Variants in NKAIN2 observed in about 807,000 individuals in gnomAD.
NKAIN2 encodes sodium/potassium-transporting ATPase subunit beta-1-interacting protein 2.
Under a neutral mutation model 32.6 loss-of-function variants are expected in NKAIN2, and 14 were observed. That is an observed-to-expected ratio of 0.43 (90% CI 0.28 to 0.67). The LOEUF (loss-of-function observed/expected upper bound fraction) is 0.67. Ranked by LOEUF, NKAIN2 falls within the 30% of genes least tolerant of loss-of-function variation. NKAIN2 has a pLI of 0.17. For synonymous variants in NKAIN2, 80 were observed against 87.2 expected (o/e 0.92, Z 0.46); for missense variants, 198 against 258.3 (o/e 0.77, Z 1.60).
intron 1 of NKAIN2, among the ~76,000 whole-genome samples, chr6:124,279,878 A>G (rs2114911227): frequency 6.6e-6 from 1 of 152,326 alleles, no homozygotes; most frequent in Non-Finnish European, 1.5e-5. Context: ...GATAAAGATT[A>G]GTCACTATTG....
At chr6:124,050,063 G>T (rs1311938975) in intron 1 of NKAIN2, among the ~76,000 whole-genome samples, 3 of 151,954 alleles carry the variant, frequency 2.0e-5, no homozygotes, top group Non-Finnish European at 4.4e-5. Flanking sequence ...TATATATGGG[G>T]TTTGTATTAT....
At chr6:124,222,363 A>C (rs1182880031) in intron 1 of NKAIN2, among the ~76,000 whole-genome samples, 2 of 152,234 alleles carry the variant, frequency 1.3e-5, no homozygotes, top group Admixed American at 1.3e-4. Flanking sequence ...GAAGTAAATA[A>C]ATTTACATAA....
At chr6:124,593,706 C>T (rs1781990271) in intron 3 of NKAIN2, among the ~76,000 whole-genome samples, 1 of 152,144 alleles carries the variant, frequency 6.6e-6, no homozygotes, top group African/African-American at 2.4e-5. Context: ...AATTTCCGAT[C>T]ACTGTAGCTG....
intron 4 of NKAIN2, among the ~76,000 whole-genome samples, chr6:124,662,303 T>TTATA (rs3051841): frequency 6.0e-4 from 90 of 150,878 alleles, no homozygotes; most frequent in Admixed American, 1.1e-3. Flanking sequence ...AAAGAATAAT[T>TTATA]TATATATATA....
At chr6:124,279,616 T>C (rs1232683591) in intron 1 of NKAIN2, among the ~76,000 whole-genome samples, 1 of 151,332 alleles carries the variant, frequency 6.6e-6, no homozygotes. Context: ...GAAAAAGAAA[T>C]TGAACTGTAG....
intron 1 of NKAIN2, among the ~76,000 whole-genome samples, chr6:123,856,604 T>G (rs1407663685): frequency 6.6e-6 from 1 of 152,234 alleles, no homozygotes; most frequent in Non-Finnish European, 1.5e-5. Flanking sequence ...GTTTACAGAT[T>G]ACAACAAACT....
chr6:124,551,139 C>A (rs1469352902), intron 3 of NKAIN2, among the ~76,000 whole-genome samples: 4 of 151,964 alleles, frequency 2.6e-5, no homozygotes, highest in Non-Finnish European at 4.4e-5. Context: ...AGAAAGTGAG[C>A]AAGAGAAATA....
chr6:124,726,699 T>G (rs1776335074), intron 4 of NKAIN2, among the ~76,000 whole-genome samples: 1 of 144,692 alleles, frequency 6.9e-6, no homozygotes, highest in African/African-American at 2.6e-5. Context: ...GGAACAAAGC[T>G]GGATGGAGAA....
intron 1 of NKAIN2, among the ~76,000 whole-genome samples, chr6:123,828,067 G>A (rs1017877898): frequency 1.3e-5 from 2 of 151,984 alleles, no homozygotes; most frequent in Admixed American, 1.3e-4. Flanking sequence ...GTCATGCACT[G>A]CCTGTTAAAT....
chr6:124,302,948 C>A (rs566440321), intron 2 of NKAIN2, among the ~76,000 whole-genome samples: 10 of 152,152 alleles, frequency 6.6e-5, no homozygotes, highest in Non-Finnish European at 1.3e-4. Context: ...ACTTCCCAGG[C>A]TTCTGCACAG....
chr6:124,793,919 C>T (rs770914973), intron 5 of NKAIN2, among the ~76,000 whole-genome samples: 2 of 152,142 alleles, frequency 1.3e-5, no homozygotes, highest in Non-Finnish European at 1.5e-5. Flanking sequence ...GAGAATACCA[C>T]ATGCCCCACA....
chr6:124,479,710 T>A lies in NKAIN2; in HGVS notation c.273+124363T>A, dbSNP rs139282526. On this transcript the variant is annotated intron_variant, in intron 3 of 6. Coordinates refer to ENST00000368417, the MANE Select transcript of NKAIN2 (RefSeq NM_001040214.3). ...ATTATTTTGCCTTTTAATTTGTATTTGTTTGTTTAAAAGCCTATAGTCGCA... is the reference window on the plus strand; with the variant it reads ...ATTATTTTGCCTTTTAATTTGTATTAGTTTGTTTAAAAGCCTATAGTCGCA... 3.1e-3 allele frequency among the ~76,000 whole-genome samples: 472 copies of A among 152,322 alleles called. 1 individual carries two copies. The highest frequency in any genetic ancestry group is 9.8e-3 in the African/African-American group (407 of 41,582).
chr6:123,821,295 T>G (rs1773913081), intron 1 of NKAIN2, among the ~76,000 whole-genome samples: 1 of 152,242 alleles, frequency 6.6e-6, no homozygotes, highest in Non-Finnish European at 1.5e-5. Context: ...TGTCTCTCAC[T>G]ATTTTAGATC....
At chr6:124,798,871 G>C (rs1010182129) in intron 5 of NKAIN2, among the ~76,000 whole-genome samples, 2 of 152,094 alleles carry the variant, frequency 1.3e-5, no homozygotes, top group African/African-American at 2.4e-5. Context: ...ACACCATCAA[G>C]ATCCACCCCT....
intron 3 of NKAIN2, among the ~76,000 whole-genome samples, chr6:124,379,143 G>A (rs186374212): frequency 1.4e-4 from 7 of 51,656 alleles, no homozygotes; most frequent in Admixed American, 2.0e-4. Flanking sequence ...GAGGGGAGGG[G>A]AGGGAGGGAG....
intron 1 of NKAIN2, among the ~76,000 whole-genome samples, chr6:124,226,665 C>T (rs1466900189): frequency 6.6e-6 from 1 of 151,990 alleles, no homozygotes; most frequent in Non-Finnish European, 1.5e-5. Context: ...CCACATCTCT[C>T]TCTTTGACAA....
chr6:124,711,702 T>C (rs1775470528), intron 4 of NKAIN2, among the ~76,000 whole-genome samples: 1 of 151,838 alleles, frequency 6.6e-6, no homozygotes, highest in African/African-American at 2.4e-5. Context: ...GTATTGGTTA[T>C]TCTAGTTATA....
At chr6:124,803,907 A>G (rs1330896397) in intron 5 of NKAIN2, among the ~76,000 whole-genome samples, 2 of 152,182 alleles carry the variant, frequency 1.3e-5, no homozygotes, top group Admixed American at 6.5e-5. Flanking sequence ...TCCTACTCAT[A>G]GTGTATTTTT....
rs146738230 is a variant in NKAIN2, at chr6:124,061,593, C to T, written c.55-221412C>T. Among the ~76,000 whole-genome samples the T allele has an allele frequency of 5.9e-5, 9 of 152,102 alleles. No individual in the cohort carries two copies. The East Asian group carries it at 1.7e-3, about 30-fold the overall frequency. Reference sequence around the variant, plus strand: ...GTAAATGCAGAACTGTTCAAATATTCCTTCCCTCTCTACCCTTTTGATCCT... The same window carrying T: ...GTAAATGCAGAACTGTTCAAATATTTCTTCCCTCTCTACCCTTTTGATCCT... On this transcript the variant is annotated intron_variant, in intron 1 of 6. Coordinates refer to ENST00000368417, the MANE Select transcript of NKAIN2 (RefSeq NM_001040214.3).
Sources: allele counts gnomAD v4.1 joint callset (sites outside exome capture counted in the v4.1 genomes callset), GRCh38; gene constraint gnomAD v4.1.1; transcripts MANE v1.5; gene names NCBI Gene and HGNC (gene_info 2026-07-23, HGNC 2026-07-21).